The following TF variants were observed in gnomAD, a reference collection of about 807,000 sequenced individuals.
The protein encoded by TF is transferrin.
TF carries 55 observed loss-of-function variants against 82.4 expected under a neutral mutation model. The ratio of observed to expected loss-of-function variants is 0.67; its 90% CI spans 0.54 to 0.84. The LOEUF (loss-of-function observed/expected upper bound fraction) is 0.84. Among genes scored for constraint, TF ranks in the 40% least tolerant of loss-of-function variants. The pLI, the probability that TF is intolerant of heterozygous loss-of-function variation, is 0.00. For synonymous variants in TF, 332 were observed against 332.6 expected, an observed-to-expected ratio of 1.00 and a Z score of 0.02; for missense variants, 737 against 868.4, an observed-to-expected ratio of 0.85 and a Z score of 1.90.
intron 2 of TF, among the ~76,000 whole-genome samples, chr3:133,751,052 TACA>T (rs1376293812): frequency 6.6e-6 from 1 of 152,156 alleles, no homozygotes; most frequent in Non-Finnish European, 1.5e-5. Context: ...AAATATGTTT[TACA>T]ACCCAAATAT....
At chr3:133,749,253 G>A (rs1039384672) in intron 2 of TF, among the ~76,000 whole-genome samples, 10 of 152,194 alleles carry the variant, frequency 6.6e-5, no homozygotes, top group African/African-American at 2.4e-4. Context: ...GATGAGTGAT[G>A]CATGCAGGGG....
At chr3:133,692,140 C>A in the TF span, among the ~76,000 whole-genome samples, 1 of 152,198 alleles carries the variant, frequency 6.6e-6, no homozygotes, top group Non-Finnish European at 1.5e-5. Flanking sequence ...CATGGGAGGC[C>A]CCTCTCTGGA....
the TF span, among the ~76,000 whole-genome samples, chr3:133,676,693 G>A: frequency 6.6e-6 from 1 of 152,234 alleles, no homozygotes; most frequent in African/African-American, 2.4e-5. Context: ...AAGGCTGGAA[G>A]GCAGAGCACA....
the TF span, among the ~76,000 whole-genome samples, chr3:133,672,573 T>G: frequency 6.6e-6 from 1 of 151,836 alleles, no homozygotes; most frequent in African/African-American, 2.4e-5. Context: ...TAAAAATCAA[T>G]TAAAGGAGTC....
At chr3:133,701,521 G>A in the TF span, among the ~76,000 whole-genome samples, 3 of 152,198 alleles carry the variant, frequency 2.0e-5, no homozygotes, top group Non-Finnish European at 1.5e-5. Flanking sequence ...TGTGTTAGAC[G>A]TGGGCATATG....
At chr3:133,721,496 T>C in the TF span, among the ~76,000 whole-genome samples, 6 of 152,348 alleles carry the variant, frequency 3.9e-5, no homozygotes, top group Admixed American at 2.0e-4. Context: ...ACTTGTTTTG[T>C]GGCCTAATGT....
chr3:133,737,931 GA>G, the TF span, among the ~76,000 whole-genome samples: 1,620 of 152,186 alleles, frequency 0.011, 12 homozygotes, highest in Non-Finnish European at 0.018. Flanking sequence ...CCAAACCATA[GA>G]AAAAGAGGGA....
the TF span, among the ~76,000 whole-genome samples, chr3:133,705,525 A>C: frequency 2.0e-5 from 3 of 152,152 alleles, no homozygotes; most frequent in African/African-American, 7.2e-5. Flanking sequence ...CATCTGCTAG[A>C]GTACTGGGGA....
At chr3:133,705,600 A>G in the TF span, among the ~76,000 whole-genome samples, 1 of 152,216 alleles carries the variant, frequency 6.6e-6, no homozygotes, top group Non-Finnish European at 1.5e-5. Flanking sequence ...GGCTTGCAGA[A>G]CCTTAACCCA....
At chr3:133,683,668 C>T in the TF span, among the ~76,000 whole-genome samples, 11 of 152,228 alleles carry the variant, frequency 7.2e-5, no homozygotes, top group East Asian at 5.8e-4. Context: ...TAAATATATA[C>T]ACACCCAATA....
At chr3:133,716,271 G>T in the TF span, among the ~76,000 whole-genome samples, 6 of 152,132 alleles carry the variant, frequency 3.9e-5, no homozygotes, top group African/African-American at 1.4e-4. Context: ...TGTAGATCCA[G>T]CTGCCTACTG....
rs1259508303 is a variant in TF at position 133,781,339 on chromosome 3, TAATA to T, written c.*2726_*2729del. 6.6e-6 allele frequency: 1 copy of T among 151,490 alleles called. No individual in the cohort carries two copies. The highest frequency in any genetic ancestry group is 6.6e-5 in the Admixed American group (1 of 15,188). The allele number at this position is 151,490 out of a possible 1,614,324, so 9.4% of individuals were successfully genotyped here. A position where few individuals can be genotyped will look rare whatever the true frequency, so the allele number is the denominator to read the frequency against. ...CTCAAAATAATAAAAATAATAATAATAATAAATAAAGTGGTAAAAGTGGTAAGAT... is the reference window on the plus strand; with the variant it reads ...CTCAAAATAATAAAAATAATAATAATAATAAAGTGGTAAAAGTGGTAAGAT... On this transcript the variant is annotated 3_prime_UTR_variant, in exon 17 of 17. Transcript: ENST00000402696.
At chr3:133,737,136 A>C in the TF span, among the ~76,000 whole-genome samples, 1 of 152,236 alleles carries the variant, frequency 6.6e-6, no homozygotes, top group African/African-American at 2.4e-5. Context: ...CAGTGCAATC[A>C]AATTGGAACT....
At chr3:133,769,391 TG>T (rs1321320858) in intron 13 of TF, among the ~76,000 whole-genome samples, 1 of 152,224 alleles carries the variant, frequency 6.6e-6, no homozygotes, top group Non-Finnish European at 1.5e-5. Context: ...TGTCTTTTTC[TG>T]GTGATAACAT....
chr3:133,721,201 T>C, the TF span, among the ~76,000 whole-genome samples: 1 of 152,164 alleles, frequency 6.6e-6, no homozygotes, highest in African/African-American at 2.4e-5. Context: ...TTATTAGAAA[T>C]CTTCTTTCTT....
the TF span, among the ~76,000 whole-genome samples, chr3:133,696,391 G>GA: frequency 6.6e-6 from 1 of 151,750 alleles, no homozygotes; most frequent in Non-Finnish European, 1.5e-5. Context: ...ATGTAGTATA[G>GA]AAAAAAATAC....
chr3:133,728,578 A>G, the TF span, among the ~76,000 whole-genome samples: 2 of 152,152 alleles, frequency 1.3e-5, no homozygotes, highest in East Asian at 1.9e-4. Flanking sequence ...AAAGTTTATA[A>G]CTTCTTTGCC....
At chr3:133,673,102 T>G in the TF span, among the ~76,000 whole-genome samples, 1 of 152,246 alleles carries the variant, frequency 6.6e-6, no homozygotes, top group East Asian at 1.9e-4. Flanking sequence ...CGGCAGTAAC[T>G]ATTAAAGCTG....
the TF span, among the ~76,000 whole-genome samples, chr3:133,725,584 C>A: frequency 6.6e-6 from 1 of 151,998 alleles, no homozygotes; most frequent in Non-Finnish European, 1.5e-5. Context: ...TCTAGATATA[C>A]AATCATGTCA....
Sources: allele counts gnomAD v4.1 joint callset (sites outside exome capture counted in the v4.1 genomes callset), GRCh38; gene constraint gnomAD v4.1.1; transcripts MANE v1.5; gene names NCBI Gene and HGNC (gene_info 2026-07-23, HGNC 2026-07-21).